NDNF: variants seen among roughly 807,000 people sequenced by gnomAD.
NDNF encodes the protein protein NDNF.
NDNF carries 16 observed loss-of-function variants against 42.0 expected under a neutral mutation model. That is an observed-to-expected ratio of 0.38 (90% CI 0.26 to 0.58). The LOEUF (loss-of-function observed/expected upper bound fraction) is 0.58, where lower values mean the gene tolerates loss of function less well. NDNF is among the 20% of genes least tolerant of loss of function. The probability of loss-of-function intolerance (pLI) is 0.67; values close to 1 mark genes in which losing one functional copy is unlikely to be tolerated. For synonymous variants in NDNF, 248 were observed against 251.7 expected (o/e 0.99, Z 0.14); for missense variants, 616 against 666.2 (o/e 0.92, Z 0.83).
intron 1 of NDNF, among the ~76,000 whole-genome samples, chr4:121,055,754 C>CA: frequency 6.6e-6 from 1 of 151,978 alleles, no homozygotes; most frequent in Non-Finnish European, 1.5e-5. Flanking sequence ...TGGGATCCGC[C>CA]AGATACATGG....
chr4:121,038,052 A>T (rs1401290412), intron 3 of NDNF: 5 of 166,932 alleles, frequency 3.0e-5, no homozygotes, highest in Admixed American at 2.9e-4. Flanking sequence ...ATTAAAATAC[A>T]CAATATAAAG....
At chr4:121,044,880 T>G (rs1157058737) in intron 2 of NDNF, among the ~76,000 whole-genome samples, 1 of 151,966 alleles carries the variant, frequency 6.6e-6, no homozygotes, top group Non-Finnish European at 1.5e-5. Flanking sequence ...GTGGGAGGAT[T>G]GATTCATCCC....
At chr4:121,050,118 T>C (rs963822930) in intron 1 of NDNF, among the ~76,000 whole-genome samples, 2 of 151,982 alleles carry the variant, frequency 1.3e-5, no homozygotes, top group Non-Finnish European at 2.9e-5. Context: ...TTACAACTTA[T>C]ATTGACTGAT....
At chr4:121,047,218 A>G (rs1727109395) in intron 1 of NDNF, among the ~76,000 whole-genome samples, 1 of 152,256 alleles carries the variant, frequency 6.6e-6, no homozygotes, top group South Asian at 2.1e-4. Context: ...CTTTTTTACA[A>G]TGTGGACATG....
rs3822230 is a variant in NDNF, at chr4:121,037,032, A to G, written c.939T>C (p.Asp313=). Residue 313 remains aspartate (D), a synonymous_variant, in exon 4 of 4, where the codon GAT becomes GAC. Coordinates refer to ENST00000379692, the MANE Select transcript of NDNF (RefSeq NM_024574.4). ...TGCTGTTGATGTTGACCACAAATACATCAAAGTAGTACTGCGTGTCGGGTT... is the reference window on the plus strand; with the variant it reads ...TGCTGTTGATGTTGACCACAAATACGTCAAAGTAGTACTGCGTGTCGGGTT... ...DLKPDTQYYF[D]VFVVNINSNM... The G allele has an allele frequency of 0.58, 935,171 of 1,613,518 alleles. 281,163 individuals are homozygous for G. The highest frequency in any genetic ancestry group is 0.65 in the East Asian group (29,044 of 44,832).
intron 2 of NDNF, 26 bp from the exon 3 acceptor site, chr4:121,040,080 C>A (rs745682774): frequency 1.2e-6 from 2 of 1,604,112 alleles, no homozygotes; most frequent in Admixed American, 3.4e-5. Flanking sequence ...CCACTTTAGA[C>A]CGTGGTAATT....
chr4:121,056,258 T>C (rs1045688575), intron 1 of NDNF, among the ~76,000 whole-genome samples: 4 of 152,174 alleles, frequency 2.6e-5, no homozygotes, highest in African/African-American at 9.6e-5. Context: ...AAGTGGCAGA[T>C]GGTGAGCTCA....
At chr4:121,053,213 T>C (rs2048606746) in intron 1 of NDNF, among the ~76,000 whole-genome samples, 1 of 152,248 alleles carries the variant, frequency 6.6e-6, no homozygotes, top group Non-Finnish European at 1.5e-5. Flanking sequence ...CTTCTCTAAA[T>C]GACTGCCAAC....
intron 1 of NDNF, among the ~76,000 whole-genome samples, chr4:121,065,674 C>A (rs1407766120): frequency 6.6e-6 from 1 of 150,542 alleles, no homozygotes; most frequent in East Asian, 2.0e-4. Flanking sequence ...AAGGAAATAC[C>A]AAAAGATCTA....
At chr4:121,053,631 T>C (rs1560607406) in intron 1 of NDNF, among the ~76,000 whole-genome samples, 1 of 152,090 alleles carries the variant, frequency 6.6e-6, no homozygotes. Context: ...TCAAAAGCAG[T>C]GTATGGGAGA....
In NDNF at chr4:121,051,201, T is replaced by C. The variant is rs75979936; in HGVS notation, c.-1-5363A>G. 4.7e-3 allele frequency among the ~76,000 whole-genome samples: 716 copies of C among 152,276 alleles called. 6 individuals are homozygous for C. Among genetic ancestry groups the C allele is most frequent in the African/African-American group, 0.017 (687 of 41,576 alleles). On this transcript the variant is annotated intron_variant, in intron 1 of 3. Coordinates refer to ENST00000379692, the MANE Select transcript of NDNF (RefSeq NM_024574.4). Reference sequence around the variant, plus strand: ...GATATGGAGAAGGGATTCTTTCTAATGTTTTAGGACTATGGTGATGGGAAC... The same window carrying C: ...GATATGGAGAAGGGATTCTTTCTAACGTTTTAGGACTATGGTGATGGGAAC...
chr4:121,047,989 A>G (rs2148766239), intron 1 of NDNF, among the ~76,000 whole-genome samples: 1 of 152,338 alleles, frequency 6.6e-6, no homozygotes, highest in East Asian at 1.9e-4. Flanking sequence ...CCAAGCAAGG[A>G]CATGGTGGAC....
At chr4:121,047,599 A>C (rs1727115882) in intron 1 of NDNF, among the ~76,000 whole-genome samples, 1 of 152,200 alleles carries the variant, frequency 6.6e-6, no homozygotes, top group Non-Finnish European at 1.5e-5. Context: ...TTGCAAGTGT[A>C]AGAAAATTCA....
At chr4:121,060,500 A>G (rs1727386024) in intron 1 of NDNF, among the ~76,000 whole-genome samples, 1 of 152,112 alleles carries the variant, frequency 6.6e-6, no homozygotes, top group African/African-American at 2.4e-5. Context: ...TACATTAAAA[A>G]AAAAAGTTTA....
intron 1 of NDNF, among the ~76,000 whole-genome samples, chr4:121,048,625 G>A (rs148512051): frequency 6.6e-6 from 1 of 152,192 alleles, no homozygotes; most frequent in East Asian, 1.9e-4. Context: ...GGATCACGAG[G>A]TCAGGAGTTT....
intron 1 of NDNF, among the ~76,000 whole-genome samples, chr4:121,067,601 T>A (rs1055118435): frequency 1.3e-5 from 2 of 152,158 alleles, no homozygotes; most frequent in Non-Finnish European, 2.9e-5. Flanking sequence ...TTGAAAAAAA[T>A]TGGCATTGTA....
chr4:121,058,503 G>A (rs796798201), intron 1 of NDNF, among the ~76,000 whole-genome samples: 8 of 152,246 alleles, frequency 5.3e-5, no homozygotes, highest in African/African-American at 1.9e-4. Flanking sequence ...ACTGCTCCGA[G>A]CCTCGGTTTC....
chr4:121,057,108 T>C (rs1300364287), intron 1 of NDNF, among the ~76,000 whole-genome samples: 1 of 152,026 alleles, frequency 6.6e-6, no homozygotes, highest in Non-Finnish European at 1.5e-5. Context: ...GAAAAACAAG[T>C]AAAGAACAAA....
intron 1 of NDNF, among the ~76,000 whole-genome samples, chr4:121,062,046 A>G (rs1264471546): frequency 6.6e-6 from 1 of 152,230 alleles, no homozygotes; most frequent in Non-Finnish European, 1.5e-5. Flanking sequence ...ACTGGTTGCA[A>G]CATTTTATTC....
Sources: gnomAD v4.1 joint callset for allele counts (sites outside exome capture counted in the v4.1 genomes callset) on GRCh38, gnomAD v4.1.1 for gene constraint, MANE v1.5 for transcripts, NCBI Gene and HGNC (gene_info 2026-07-23, HGNC 2026-07-21) for gene names.